The following SLC35F3 variants were observed in gnomAD, a reference collection of about 807,000 sequenced individuals.
SLC35F3 encodes putative thiamine transporter SLC35F3.
A neutral mutation model predicts 49.9 loss-of-function variants in SLC35F3; 25 were observed. The observed-to-expected ratio is 0.50, with a 90% confidence interval of 0.37 to 0.70. The LOEUF (loss-of-function observed/expected upper bound fraction) is 0.70. Ranked by LOEUF, SLC35F3 falls within the 30% of genes least tolerant of loss-of-function variation. The pLI is 0.00. For missense variants in SLC35F3, 525 were observed against 639.8 expected, an observed-to-expected ratio of 0.82 and a Z score of 1.94; for synonymous variants, 275 against 265.4, an observed-to-expected ratio of 1.04 and a Z score of -0.35.
chr1:234,169,892 G>A lies in SLC35F3; in HGVS notation c.284-61525G>A, dbSNP rs144925442. On this transcript the variant is annotated intron_variant, in intron 2 of 7. Coordinates refer to ENST00000366618, the MANE Select transcript of SLC35F3 (RefSeq NM_173508.4). The stretch of plus-strand genomic sequence containing the variant: ...ACGCCATTCTCCTGCCTCAGCCTCC[G>A]GAGTAGCTGGGACTACAGGCACCCA... 5.8e-3 allele frequency among the ~76,000 whole-genome samples: 885 copies of A among 152,072 alleles called. 10 individuals are homozygous for A. The highest frequency in any genetic ancestry group is 0.029 in the East Asian group (149 of 5,168).
intron 3 of SLC35F3, among the ~76,000 whole-genome samples, chr1:234,257,196 C>G (rs576628023): frequency 6.6e-6 from 1 of 152,278 alleles, no homozygotes; most frequent in African/African-American, 2.4e-5. Flanking sequence ...TTGACTTTTA[C>G]TCCATGATCC....
chr1:234,281,086 C>A (rs927917970), intron 3 of SLC35F3, among the ~76,000 whole-genome samples: 3 of 134,276 alleles, frequency 2.2e-5, no homozygotes, highest in Non-Finnish European at 3.2e-5. Context: ...TTGTGTCCCC[C>A]CCCCATGCTC....
At chr1:234,155,097 A>G (rs190154338) in intron 2 of SLC35F3, among the ~76,000 whole-genome samples, 99 of 152,172 alleles carry the variant, frequency 6.5e-4, no homozygotes, top group African/African-American at 2.3e-3. Flanking sequence ...GTTATGCTGT[A>G]TTTTTTACTT....
chr1:234,287,840 G>A (rs1396991785), intron 3 of SLC35F3, among the ~76,000 whole-genome samples: 1 of 152,152 alleles, frequency 6.6e-6, no homozygotes, highest in African/African-American at 2.4e-5. Flanking sequence ...TCCTTCATTT[G>A]CATTTACTTT....
At chr1:234,096,354 G>C (rs1000981493) in intron 2 of SLC35F3, among the ~76,000 whole-genome samples, 25 of 152,188 alleles carry the variant, frequency 1.6e-4, no homozygotes, top group Admixed American at 2.6e-4. Flanking sequence ...AGGATCAGTT[G>C]TAAAGCTCTG....
intron 2 of SLC35F3, among the ~76,000 whole-genome samples, chr1:233,938,674 GTGGA>G (rs75278438): frequency 0.99 from 149,018 of 150,220 alleles, 73,920 homozygotes; most frequent in East Asian, 1. Flanking sequence ...GGATTGGTGG[GTGGA>G]TGGATGGATG....
At chr1:233,982,203 GCATGAGC>G (rs1317403799) in intron 2 of SLC35F3, among the ~76,000 whole-genome samples, 1 of 152,188 alleles carries the variant, frequency 6.6e-6, no homozygotes, top group Non-Finnish European at 1.5e-5. Context: ...GGGATTACCG[GCATGAGC>G]CATGACGCCC....
At chr1:233,997,602 T>A (rs1360149972) in intron 2 of SLC35F3, among the ~76,000 whole-genome samples, 1 of 152,180 alleles carries the variant, frequency 6.6e-6, no homozygotes, top group Non-Finnish European at 1.5e-5. Flanking sequence ...CCTACCCTCA[T>A]AATAAGCATC....
At chr1:234,018,537 A>G (rs889963942) in intron 2 of SLC35F3, among the ~76,000 whole-genome samples, 4 of 152,196 alleles carry the variant, frequency 2.6e-5, no homozygotes, top group African/African-American at 9.7e-5. Context: ...AGCTTAGTAC[A>G]GTAATGGATA....
chr1:234,008,267 A>C (rs900393424), intron 2 of SLC35F3, among the ~76,000 whole-genome samples: 2 of 152,206 alleles, frequency 1.3e-5, no homozygotes, highest in African/African-American at 2.4e-5. Flanking sequence ...CAGGGAAGGC[A>C]GAAACATGCT....
At chr1:234,141,000 T>C (rs1192247331) in intron 2 of SLC35F3, among the ~76,000 whole-genome samples, 2 of 152,158 alleles carry the variant, frequency 1.3e-5, no homozygotes, top group African/African-American at 4.8e-5. Flanking sequence ...TTGGACTAGA[T>C]TACATTTATC....
intron 3 of SLC35F3, among the ~76,000 whole-genome samples, chr1:234,282,169 G>A (rs756293543): frequency 4.6e-5 from 7 of 152,170 alleles, no homozygotes; most frequent in East Asian, 1.9e-4. Flanking sequence ...ATAATCCTTC[G>A]CTAGACAGCT....
chr1:234,320,481 A>C lies in SLC35F3; in HGVS notation c.1237+294A>C, dbSNP rs1657590500. On this transcript the variant is annotated intron_variant, in intron 7 of 7. Coordinates refer to ENST00000366618, the MANE Select transcript of SLC35F3 (RefSeq NM_173508.4). This position sits in a 1 kb window ranked among gnomAD's most constrained non-coding sequence, Gnocchi z 4.8. ...CATAATGGGCTGATTTTCACATACC[A>C]CTTCAAGACACAGAAAGTCTAAAGG... is the stretch of plus-strand genomic sequence containing the variant. Among the ~76,000 whole-genome samples, 1 of 152,136 alleles carries C rather than the reference A, an allele frequency of 6.6e-6. No individual in the cohort carries two copies.
At chr1:233,916,309 C>T (rs1435880854) in intron 2 of SLC35F3, among the ~76,000 whole-genome samples, 3 of 152,000 alleles carry the variant, frequency 2.0e-5, no homozygotes, top group African/African-American at 7.3e-5. Context: ...GCTCTGTTGC[C>T]CAGCCTGGAG....
intron 2 of SLC35F3, among the ~76,000 whole-genome samples, chr1:234,209,438 ACCATT>A (rs943701668): frequency 2.6e-5 from 4 of 152,112 alleles, no homozygotes; most frequent in African/African-American, 9.7e-5. Context: ...ACACCAGTAC[ACCATT>A]AGCTTCCTGG....
At chr1:234,306,416 C>G (rs890608407) in intron 3 of SLC35F3, 3 of 152,968 alleles carry the variant, frequency 2.0e-5, no homozygotes, top group African/African-American at 7.2e-5. Flanking sequence ...CTCGGCCTCT[C>G]AAAGTGCTAG....
intron 3 of SLC35F3, among the ~76,000 whole-genome samples, chr1:234,299,257 G>T (rs1032065728): frequency 3.3e-5 from 5 of 152,196 alleles, no homozygotes; most frequent in African/African-American, 1.2e-4. Flanking sequence ...AAAGACTTTA[G>T]TAGTCTCATA....
rs551794530 is a variant in SLC35F3 at position 234,102,139 on chromosome 1, CT to C, written c.284-129275del. 4.4e-3 allele frequency among the ~76,000 whole-genome samples: 664 copies of C among 152,364 alleles called. 6 individuals carry two copies. Among genetic ancestry groups the C allele is most frequent in the African/African-American group, 0.015 (618 of 41,588 alleles). On this transcript the variant is annotated intron_variant, in intron 2 of 7. Transcript: ENST00000366618. Reference sequence around the variant, plus strand: ...CACGTAGAAGGAATTTACTTTCCCCCTTTCCATGTGGAGAAAAAGAGGAACT... The same window carrying C: ...CACGTAGAAGGAATTTACTTTCCCCCTTCCATGTGGAGAAAAAGAGGAACT...
intron 3 of SLC35F3, among the ~76,000 whole-genome samples, chr1:234,289,729 C>A (rs988471823): frequency 6.6e-6 from 1 of 152,126 alleles, no homozygotes; most frequent in East Asian, 1.9e-4. Context: ...CATACAGTCC[C>A]GGCAGAAGTA....
Sources: gnomAD v4.1 joint callset for allele counts (sites outside exome capture counted in the v4.1 genomes callset) on GRCh38, gnomAD v4.1.1 for gene constraint, Gnocchi (gnomAD v3.1) non-coding constraint, MANE v1.5 for transcripts, NCBI Gene and HGNC (gene_info 2026-07-23, HGNC 2026-07-21) for gene names.